ACVR1C: variants seen among roughly 807,000 people sequenced by gnomAD.
The protein encoded by ACVR1C is activin A receptor type 1C.
ACVR1C carries 23 observed loss-of-function variants against 57.9 expected under a neutral mutation model. That is an observed-to-expected ratio of 0.40 (90% confidence interval 0.29 to 0.56). The LOEUF is 0.56. Among genes scored for constraint, ACVR1C ranks in the 20% least tolerant of loss-of-function variants. The probability of loss-of-function intolerance (pLI) is 0.50; values close to 1 mark genes in which losing one functional copy is unlikely to be tolerated. For synonymous variants in ACVR1C, 214 were observed against 215.3 expected (o/e 0.99, Z 0.05); for missense variants, 480 against 607.9 (o/e 0.79, Z 2.21).
chr2:157,597,528 G>C (rs1573945639), intron 1 of ACVR1C: 1 of 985,428 alleles, frequency 1.0e-6, no homozygotes, highest in Non-Finnish European at 1.2e-6. Flanking sequence ...CAGCTCCCGC[G>C]GGGCTCGGCC....
chr2:157,572,376 A>T (rs1355659034), intron 2 of ACVR1C, among the ~76,000 whole-genome samples: 1 of 148,392 alleles, frequency 6.7e-6, no homozygotes, highest in Non-Finnish European at 1.5e-5. Context: ...TAAAAAAAAA[A>T]ATTAAAAAAA....
chr2:157,528,979 G>T lies in ACVR1C; in HGVS notation c.*4939C>A, dbSNP rs1193339364. The T allele has an allele frequency of 1.3e-5, 2 of 152,136 alleles. No homozygotes were observed. The highest frequency in any genetic ancestry group is 4.1e-4 in the South Asian group (2 of 4,830). The allele number at this position is 152,136 out of a possible 1,614,324, so 9.4% of individuals were successfully genotyped here. The stretch of plus-strand genomic sequence containing the variant: ...TAAAGAAATACAGGAATTATAGAGT[G>T]ACTTGGGATTGATGAGATCTGCCAA... On this transcript the variant is annotated 3_prime_UTR_variant, in exon 9 of 9. Transcript: ENST00000243349.
At chr2:157,621,366 A>C (rs1395935821) in intron 1 of ACVR1C, among the ~76,000 whole-genome samples, 1 of 152,224 alleles carries the variant, frequency 6.6e-6, no homozygotes, top group African/African-American at 2.4e-5. Context: ...GAAGGAGCAA[A>C]GTGTTGGCTT....
chr2:157,605,192 T>G (rs1189259847), intron 1 of ACVR1C, among the ~76,000 whole-genome samples: 1 of 151,750 alleles, frequency 6.6e-6, no homozygotes, highest in Admixed American at 6.6e-5. Flanking sequence ...AAAAATCAAT[T>G]GACATATATA....
At chr2:157,596,270 T>C (rs944190820) in intron 1 of ACVR1C, among the ~76,000 whole-genome samples, 1 of 152,262 alleles carries the variant, frequency 6.6e-6, no homozygotes, top group East Asian at 1.9e-4. Context: ...GTGTTACATA[T>C]AGCTTTTCCC....
chr2:157,545,971 G>A (rs557139573), intron 4 of ACVR1C, among the ~76,000 whole-genome samples: 163 of 151,996 alleles, frequency 1.1e-3, no homozygotes, highest in African/African-American at 3.3e-3. Context: ...TAGTAGAAAC[G>A]GGGTTTCACC....
chr2:157,544,051 T>C (rs1375586253), intron 5 of ACVR1C, among the ~76,000 whole-genome samples: 1 of 148,028 alleles, frequency 6.8e-6, no homozygotes, highest in African/African-American at 2.5e-5. Flanking sequence ...TTTTTTTTTT[T>C]TTTTTGAGAC....
At chr2:157,552,135 T>C (rs921667554) in intron 3 of ACVR1C, among the ~76,000 whole-genome samples, 1 of 152,114 alleles carries the variant, frequency 6.6e-6, no homozygotes, top group African/African-American at 2.4e-5. Context: ...TTGTTTTGTT[T>C]GTTTGTTTGT....
At chr2:157,539,216 T>C (rs1451266549) in intron 7 of ACVR1C, among the ~76,000 whole-genome samples, 1 of 152,070 alleles carries the variant, frequency 6.6e-6, no homozygotes, top group Admixed American at 6.5e-5. Flanking sequence ...CTTTGAAAAC[T>C]TTTAGGCAAT....
intron 2 of ACVR1C, among the ~76,000 whole-genome samples, chr2:157,586,704 T>C (rs1688930690): frequency 6.6e-6 from 1 of 152,128 alleles, no homozygotes; most frequent in South Asian, 2.1e-4. Context: ...GGGTGTGCTC[T>C]CACTTGAATG....
chr2:157,620,985 A>G (rs1048278106), intron 1 of ACVR1C, among the ~76,000 whole-genome samples: 7 of 152,200 alleles, frequency 4.6e-5, no homozygotes, highest in Non-Finnish European at 8.8e-5. Flanking sequence ...TGTGTGTTTC[A>G]CTTTCAAAAT....
At position 157,581,276 on chromosome 2, in the gene ACVR1C, GC is replaced by G. The variant is rs1165590874; in HGVS notation, c.304+5910del. Reference sequence around the variant, plus strand: ...ATATGAATCAGCAGAATCAAAAACAGCAGAACCAAACCCAGAGAGACTATAG... The same window carrying G: ...ATATGAATCAGCAGAATCAAAAACAGAGAACCAAACCCAGAGAGACTATAG... On this transcript the variant is annotated intron_variant, in intron 2 of 8. Coordinates refer to ENST00000243349, the MANE Select transcript of ACVR1C (RefSeq NM_145259.3). 2.0e-5 allele frequency among the ~76,000 whole-genome samples: 3 copies of G among 151,964 alleles called. No homozygotes were observed. In the East Asian group the frequency reaches 5.8e-4, roughly 29 times the overall value.
At chr2:157,596,249 C>T (rs1296332049) in intron 1 of ACVR1C, among the ~76,000 whole-genome samples, 1 of 151,634 alleles carries the variant, frequency 6.6e-6, no homozygotes, top group African/African-American at 2.4e-5. Context: ...TATAGAAATC[C>T]TTTGTCATAT....
chr2:157,576,625 T>A (rs1435971827), intron 2 of ACVR1C, among the ~76,000 whole-genome samples: 1 of 152,160 alleles, frequency 6.6e-6, no homozygotes, highest in African/African-American at 2.4e-5. Context: ...TGGTTCCAGG[T>A]CAAAGTTAGG....
chr2:157,619,801 T>C (rs1682726404), intron 1 of ACVR1C, among the ~76,000 whole-genome samples: 1 of 151,994 alleles, frequency 6.6e-6, no homozygotes, highest in South Asian at 2.1e-4. Flanking sequence ...AACCAAAAGC[T>C]ATTTATTTGC....
intron 6 of ACVR1C, among the ~76,000 whole-genome samples, chr2:157,541,723 C>G (rs2105206794): frequency 6.6e-6 from 1 of 152,246 alleles, no homozygotes; most frequent in Admixed American, 6.5e-5. Context: ...AATAAACTGC[C>G]CGGAAGTGTT....
At chr2:157,614,837 A>AT (rs1682606019) in intron 1 of ACVR1C, among the ~76,000 whole-genome samples, 1 of 152,090 alleles carries the variant, frequency 6.6e-6, no homozygotes, top group Admixed American at 6.6e-5. Context: ...GCATGGTATA[A>AT]TTTTTTCCAT....
chr2:157,609,031 G>C (rs546941452), intron 1 of ACVR1C, among the ~76,000 whole-genome samples: 2 of 151,588 alleles, frequency 1.3e-5, no homozygotes, highest in East Asian at 3.9e-4. Flanking sequence ...GGTTTGGTTT[G>C]CTCTTGAGGT....
intron 2 of ACVR1C, among the ~76,000 whole-genome samples, chr2:157,585,466 A>G (rs999780793): frequency 6.7e-4 from 102 of 152,280 alleles, no homozygotes; most frequent in African/African-American, 2.4e-3. Context: ...GCTGGGAAGG[A>G]CCTACATTCT....
Sources: gnomAD v4.1 joint callset for allele counts (sites outside exome capture counted in the v4.1 genomes callset) on GRCh38, gnomAD v4.1.1 for gene constraint, MANE v1.5 for transcripts, NCBI Gene and HGNC (gene_info 2026-07-23, HGNC 2026-07-21) for gene names.